Variants in HSPG2 observed in about 807,000 individuals in gnomAD.
HSPG2 encodes basement membrane-specific heparan sulfate proteoglycan core protein.
A neutral mutation model predicts 526.6 loss-of-function variants in HSPG2; 278 were observed. The observed-to-expected ratio is 0.53, with a 90% CI of 0.48 to 0.58. The LOEUF (loss-of-function observed/expected upper bound fraction) is 0.58, where lower values mean the gene tolerates loss of function less well. HSPG2 is among the 20% of genes least tolerant of loss of function. The probability of loss-of-function intolerance (pLI) is 0.00; values close to 1 mark genes in which losing one functional copy is unlikely to be tolerated. For missense variants in HSPG2, 5,354 were observed against 6,099.5 expected (o/e 0.88, Z 4.07); for synonymous variants, 2,465 against 2,555.4 (o/e 0.96, Z 1.07).
intron 37 of HSPG2, among the ~76,000 whole-genome samples, chr1:21,863,424 C>T (rs1639983848): frequency 4.0e-5 from 6 of 151,692 alleles, no homozygotes; most frequent in Admixed American, 3.9e-4. Context: ...CTCATAAAAA[C>T]ATGTGGGTTA....
At chr1:21,932,009 C>G (rs1415843884) in intron 1 of HSPG2, among the ~76,000 whole-genome samples, 1 of 152,158 alleles carries the variant, frequency 6.6e-6, no homozygotes, top group Admixed American at 6.5e-5. Context: ...CCTGTAGAGT[C>G]CCAGGAAATA....
At chr1:21,888,158 G>A in intron 6 of HSPG2, 92 bp from the exon 7 acceptor site, 6 of 1,548,716 alleles carry the variant, frequency 3.9e-6, no homozygotes, top group Non-Finnish European at 5.3e-6. Context: ...TGGGCTCCAG[G>A]GCCCTGTGTC....
intron 1 of HSPG2, among the ~76,000 whole-genome samples, chr1:21,935,246 G>C (rs892451287): frequency 6.6e-6 from 1 of 152,198 alleles, no homozygotes; most frequent in Non-Finnish European, 1.5e-5. Flanking sequence ...AGACTTCAGG[G>C]GCCAAGCTCT....
Position 21,860,194 on chromosome 1 carries a change from C to T in HSPG2, c.4997G>A (p.Gly1666Asp), listed in dbSNP as rs143424737. ...GYVGNPSVQG[G>D]QCLPETNQAP... ...CCACTTACTCTCTGGCAGGCACTGGCCCCCTTGCACACTGGGGTTACCCAC... is the reference window on the plus strand; with the variant it reads ...CCACTTACTCTCTGGCAGGCACTGGTCCCCTTGCACACTGGGGTTACCCAC... The change falls in exon 40 of 97, where the codon GGC (glycine) becomes GAC (aspartate). Residue 1666 changes from glycine to aspartate, a missense_variant. Physicochemically the swap from Gly to Asp is moderately conservative, Grantham distance 94. Coordinates refer to ENST00000374695, the MANE Select transcript of HSPG2 (RefSeq NM_005529.7). 3 of 1,613,850 alleles carry T rather than the reference C, an allele frequency of 1.9e-6. No individual in the cohort carries two copies. Among genetic ancestry groups the T allele is most frequent in the Non-Finnish European group, 2.5e-6 (3 of 1,179,964 alleles).
chr1:21,905,562 T>C (rs2152782131), intron 1 of HSPG2, among the ~76,000 whole-genome samples: 1 of 152,234 alleles, frequency 6.6e-6, no homozygotes, highest in African/African-American at 2.4e-5. Flanking sequence ...GCCAACATGG[T>C]GAAACCCCAT....
chr1:21,927,357 C>G (rs1221009813), intron 1 of HSPG2, among the ~76,000 whole-genome samples: 1 of 152,144 alleles, frequency 6.6e-6, no homozygotes, highest in Non-Finnish European at 1.5e-5. Context: ...TCTCTCTCTC[C>G]TGAGTCCTGC....
At chr1:21,831,191 G>A (rs1485121480) in intron 84 of HSPG2, 24 bp downstream of exon 84, 1 of 1,607,242 alleles carries the variant, frequency 6.2e-7, no homozygotes, top group East Asian at 2.2e-5. Flanking sequence ...CGGCAGCCAG[G>A]TGGTGTGTGG....
Position 21,880,834 on chromosome 1 carries a change from A to G in HSPG2, c.1820T>C (p.Val607Ala), listed in dbSNP as rs574897385. 3.8e-6 allele frequency: 6 copies of G among 1,589,130 alleles called. No individual in the cohort carries two copies. In the Admixed American group the frequency reaches 7.1e-5, roughly 19 times the overall value. The change falls in exon 15 of 97, where the codon GTG becomes GCG. Residue 607 changes from valine to alanine, a missense_variant and splice_region_variant. Transcript: ENST00000374695. The part of the protein sequence containing the change: ...ALPEQFLGNK[V>A]DSYGGSLRYN... ...ACGCAGGGAGCCGCCATAGGAGTCC[A>G]CCTGGCACAACAGGGTGGATCAGCA...
rs374780737 is a variant in HSPG2, at chr1:21,847,433, C to T, written c.8085G>A (p.Val2695=). ...CATCGATGTTGTTGTTGGCCCGGCA[C>T]ACATACTCGCCCGAGTCAGCCACAG... The part of the protein sequence containing the change: ...QMSVADSGEY[V]CRANNNIDAL... The change falls in exon 62 of 97, where the codon GTG becomes GTA. Residue 2695 remains valine (V), a synonymous_variant. Transcript: ENST00000374695. The surrounding 1 kb of genome is among the most constrained non-coding windows in gnomAD (Gnocchi z 4.1). 178 of 1,613,840 alleles carry T rather than the reference C, an allele frequency of 1.1e-4. No individual in the cohort carries two copies. Among genetic ancestry groups the T allele is most frequent in the Non-Finnish European group, 8.6e-5 (101 of 1,180,044 alleles).
At chr1:21,861,565 G>T (rs1040168528) in intron 39 of HSPG2, among the ~76,000 whole-genome samples, 192 bp downstream of exon 39, 4 of 152,188 alleles carry the variant, frequency 2.6e-5, no homozygotes, top group Admixed American at 6.5e-5. Flanking sequence ...GAAGTGGGAT[G>T]AGACTGCTAC....
rs1642489812 is a variant in HSPG2, at chr1:21,893,176, C to T, written c.245-2482G>A. 6.6e-6 allele frequency among the ~76,000 whole-genome samples: 1 copy of T among 152,252 alleles called. No individual in the cohort carries two copies. Among genetic ancestry groups the T allele is most frequent in the Non-Finnish European group, 1.5e-5 (1 of 68,050 alleles). On this transcript the variant is annotated intron_variant, in intron 3 of 96. Coordinates refer to ENST00000374695, the MANE Select transcript of HSPG2 (RefSeq NM_005529.7). The surrounding 1 kb of genome is among the most constrained non-coding windows in gnomAD (Gnocchi z 4.3). ...TCTGCAACACACCCAGGCCCCCGAA[C>T]TCCAGCCCTGGGTCCCTGTGGGTCC... is the stretch of plus-strand genomic sequence containing the variant.
At chr1:21,899,298 G>A (rs955918567) in intron 1 of HSPG2, among the ~76,000 whole-genome samples, 7 of 152,208 alleles carry the variant, frequency 4.6e-5, no homozygotes, top group African/African-American at 1.4e-4. Context: ...AGACAGGAAA[G>A]AGGCTCCCAG....
chr1:21,852,593 T>G, intron 52 of HSPG2, 107 bp downstream of exon 52: 2 of 1,489,642 alleles, frequency 1.3e-6, no homozygotes, highest in Non-Finnish European at 9.3e-7. Flanking sequence ...TGCAGCCAGC[T>G]CCGGTGTGGG....
rs899318018 is a variant in HSPG2, at chr1:21,824,943, A to G, written c.12590-164T>C. ...GCTGCCAACAGAATTCAGGGAGCCTATGACCTTGGATGGGAAAGCATTACA... is the reference window on the plus strand; with the variant it reads ...GCTGCCAACAGAATTCAGGGAGCCTGTGACCTTGGATGGGAAAGCATTACA... On this transcript the variant is annotated intron_variant, in intron 91 of 96. Coordinates refer to ENST00000374695, the MANE Select transcript of HSPG2 (RefSeq NM_005529.7). This position sits in a 1 kb window ranked among gnomAD's most constrained non-coding sequence, Gnocchi z 5.9. The G allele has an allele frequency of 1.5e-6, 1 of 680,770 alleles. No individual in the cohort carries two copies. The highest frequency in any genetic ancestry group is 2.7e-6 in the Non-Finnish European group (1 of 371,328). 42.2% of individuals were successfully genotyped at this position (680,770 alleles called of 1,614,324 possible). A position where few individuals can be genotyped will look rare whatever the true frequency, so the allele number is the denominator to read the frequency against.
chr1:21,932,676 G>A (rs1644377486), intron 1 of HSPG2, among the ~76,000 whole-genome samples: 1 of 152,224 alleles, frequency 6.6e-6, no homozygotes, highest in Admixed American at 6.5e-5. Flanking sequence ...GAAAGAGGGA[G>A]AGGGTCATAT....
rs918093225 is a variant in HSPG2 at position 21,934,681 on chromosome 1, C to T, written c.63+2474G>A. Among the ~76,000 whole-genome samples the T allele has an allele frequency of 5.3e-5, 8 of 152,002 alleles. No individual in the cohort carries two copies. The South Asian group carries it at 8.3e-4, about 16-fold the overall frequency. On this transcript the variant is annotated intron_variant, in intron 1 of 96. Transcript: ENST00000374695. ...CGCGATCTCGGCTCACTGCAAGCTC[C>T]GCCTCCCGGGTTAACGCCATTCTCC...
At position 21,880,422 on chromosome 1, in the gene HSPG2, C is replaced by T. The variant is rs937331513; in HGVS notation, c.2136G>A (p.Met712Ile). ...MASVGLSDIA[M>I]DTTVTHATSH... ...TGGTGGCATGGGTGACGGTGGTATCCATGGCGATGTCGCTAAGTCCCACGC... is the reference window on the plus strand; with the variant it reads ...TGGTGGCATGGGTGACGGTGGTATCTATGGCGATGTCGCTAAGTCCCACGC... The change falls in exon 16 of 97, where the codon ATG (methionine) becomes ATA (isoleucine). Residue 712 changes from methionine (M) to isoleucine (I), a missense_variant. Met to Ile is a conservative substitution (Grantham distance 10). Transcript: ENST00000374695. 1.5e-5 allele frequency: 24 copies of T among 1,613,936 alleles called. No homozygotes were observed. The highest frequency in any genetic ancestry group is 1.9e-5 in the Non-Finnish European group (23 of 1,180,012).
intron 33 of HSPG2, chr1:21,868,985 G>C (rs1416646014): frequency 1.2e-6 from 1 of 805,598 alleles, no homozygotes; most frequent in Admixed American, 6.3e-5. Flanking sequence ...GGGAAGGGCA[G>C]GTGGTAAGAG....
Position 21,847,444 on chromosome 1 carries a change from C to T in HSPG2, c.8074G>A (p.Gly2692Ser). The change falls in exon 62 of 97, where the codon GGC (glycine) becomes AGC (serine). Residue 2692 changes from glycine to serine, a missense_variant. Gly to Ser is a moderately conservative substitution (Grantham distance 56). Coordinates refer to ENST00000374695, the MANE Select transcript of HSPG2 (RefSeq NM_005529.7). This position sits in a 1 kb window ranked among gnomAD's most constrained non-coding sequence, Gnocchi z 4.1. ...TTGTTGGCCCGGCACACATACTCGC[C>T]CGAGTCAGCCACAGACATTTGGTGC... The part of the protein sequence containing the change: ...RLHQMSVADS[G>S]EYVCRANNNI... The T allele has an allele frequency of 3.1e-6, 5 of 1,613,938 alleles. No individual in the cohort carries two copies. In the South Asian group the frequency reaches 4.4e-5, roughly 14 times the overall value.
Sources: allele counts gnomAD v4.1 joint callset (sites outside exome capture counted in the v4.1 genomes callset), GRCh38; gene constraint gnomAD v4.1.1; non-coding constraint Gnocchi (gnomAD v3.1); transcripts MANE v1.5; gene names NCBI Gene and HGNC (gene_info 2026-07-23, HGNC 2026-07-21).